RETREG3: variants seen among roughly 807,000 people sequenced by gnomAD.
RETREG3 encodes the protein reticulophagy regulator family member 3, also known as reticulophagy regulator 3.
Under a neutral mutation model 50.2 loss-of-function variants are expected in RETREG3, and 23 were observed. That is an observed-to-expected ratio of 0.46 (90% confidence interval 0.33 to 0.65). The LOEUF (loss-of-function observed/expected upper bound fraction) is 0.65, where lower values mean the gene tolerates loss of function less well. Among genes scored for constraint, RETREG3 ranks in the 30% least tolerant of loss-of-function variants. The pLI is 0.02. For synonymous variants in RETREG3, 240 were observed against 234.4 expected, an observed-to-expected ratio of 1.02 and a Z score of -0.22; for missense variants, 546 against 598.0, an observed-to-expected ratio of 0.91 and a Z score of 0.91.
At chr17:42,594,144 G>A (rs374334174) in intron 1 of RETREG3, among the ~76,000 whole-genome samples, 16 of 152,200 alleles carry the variant, frequency 1.1e-4, no homozygotes, top group East Asian at 9.6e-4. Flanking sequence ...AGCGGAGATC[G>A]CACCACTGCA....
intron 1 of RETREG3, chr17:42,596,587 T>C (rs1299513234): frequency 2.0e-5 from 3 of 152,048 alleles, no homozygotes; most frequent in Non-Finnish European, 2.9e-5. Flanking sequence ...ATCCACATAG[T>C]TGCAAAGCTT....
chr17:42,591,121 T>A (rs1443912952), intron 2 of RETREG3, among the ~76,000 whole-genome samples: 1 of 152,238 alleles, frequency 6.6e-6, no homozygotes, highest in African/African-American at 2.4e-5. Context: ...TTCCTCAGAC[T>A]AATCAAGCCA....
At chr17:42,597,972 TGAA>T (rs1487852781) in intron 1 of RETREG3, among the ~76,000 whole-genome samples, 1 of 145,808 alleles carries the variant, frequency 6.9e-6, no homozygotes, top group Non-Finnish European at 1.5e-5. Context: ...CTTCTTCCTC[TGAA>T]GTTTTTTTTT....
chr17:42,597,579 GTGTATATATATA>G (rs1567925286), intron 1 of RETREG3, among the ~76,000 whole-genome samples: 1 of 6,586 alleles, frequency 1.5e-4, no homozygotes, highest in Non-Finnish European at 2.6e-4. Flanking sequence ...TATATTTTGT[GTGTATATATATA>G]TATATATATA....
At chr17:42,599,433 TAACCTGAG>T (rs2093154362) in intron 1 of RETREG3, among the ~76,000 whole-genome samples, 1 of 152,056 alleles carries the variant, frequency 6.6e-6, no homozygotes, top group Non-Finnish European at 1.5e-5. Flanking sequence ...GGTGGGTGGA[TAACCTGAG>T]ATCGGGAGTT....
chr17:42,607,735 G>A (rs1323947233), intron 1 of RETREG3, among the ~76,000 whole-genome samples: 1 of 150,702 alleles, frequency 6.6e-6, no homozygotes, highest in Non-Finnish European at 1.5e-5. Context: ...GAATCTGGGA[G>A]GCGGAGGTTG....
At chr17:42,600,304 G>A (rs540679408) in intron 1 of RETREG3, among the ~76,000 whole-genome samples, 16 of 152,058 alleles carry the variant, frequency 1.1e-4, no homozygotes, top group African/African-American at 3.6e-4. Flanking sequence ...GATTGCTAGA[G>A]CCAGAAGGTT....
intron 1 of RETREG3, chr17:42,605,249 T>C (rs1051448919): frequency 3.3e-5 from 1 of 30,554 alleles, no homozygotes; most frequent in African/African-American, 1.6e-4. Context: ...GCTACCTACC[T>C]GAATTCTGAT....
intron 2 of RETREG3, among the ~76,000 whole-genome samples, chr17:42,589,311 A>T (rs1306245903): frequency 6.6e-6 from 1 of 152,224 alleles, no homozygotes. Context: ...AATCTACATC[A>T]GTTTTCCTCT....
At chr17:42,600,724 T>C (rs1567926495) in intron 1 of RETREG3, among the ~76,000 whole-genome samples, 1 of 152,232 alleles carries the variant, frequency 6.6e-6, no homozygotes. Flanking sequence ...AAATGATCCA[T>C]TATCCACATA....
chr17:42,584,870 G>C (rs2093117995), intron 6 of RETREG3, among the ~76,000 whole-genome samples: 1 of 149,964 alleles, frequency 6.7e-6, no homozygotes, highest in South Asian at 2.1e-4. Flanking sequence ...TATCTTCACT[G>C]TCTAGCTTTT....
At chr17:42,587,059 C>G (rs1313938053) in intron 3 of RETREG3, 168 bp from the exon 4 acceptor site, 5 of 922,132 alleles carry the variant, frequency 5.4e-6, no homozygotes, top group South Asian at 1.8e-5. Context: ...AGGTTGAAAT[C>G]TGAATTTAGG....
At chr17:42,590,704 C>A (rs537878417) in intron 2 of RETREG3, among the ~76,000 whole-genome samples, 1 of 152,040 alleles carries the variant, frequency 6.6e-6, no homozygotes, top group Non-Finnish European at 1.5e-5. Context: ...CGGTGCCTCA[C>A]GCCTGTAATC....
chr17:42,582,288 T>C lies in RETREG3; in HGVS notation c.944-18A>G, dbSNP rs2093111137. 1 of 1,585,964 alleles carries C rather than the reference T, an allele frequency of 6.3e-7. No individual in the cohort carries two copies. Among genetic ancestry groups the C allele is most frequent in the Non-Finnish European group, 8.5e-7 (1 of 1,170,282 alleles). On this transcript the variant is annotated intron_variant, in intron 8 of 8. Transcript: ENST00000309428. Reference sequence around the variant, plus strand: ...ATCTAGGTCTGGTGGAATACAGAAGTGTCTGAGTCATGGCACCTACCTGGC... The same window carrying C: ...ATCTAGGTCTGGTGGAATACAGAAGCGTCTGAGTCATGGCACCTACCTGGC...
rs1261755163 is a variant in RETREG3 at position 42,609,252 on chromosome 17, C to T, written c.73G>A (p.Val25Met). 3 of 1,607,004 alleles carry T rather than the reference C, an allele frequency of 1.9e-6. No individual in the cohort carries two copies. Among genetic ancestry groups the T allele is most frequent in the African/African-American group, 2.7e-5 (2 of 74,942 alleles). The change falls in exon 1 of 9, where the codon GTG becomes ATG. Residue 25 changes from valine to methionine, a missense_variant. Coordinates refer to ENST00000309428, the MANE Select transcript of RETREG3 (RefSeq NM_178126.4). ...SGSTFRGRRDVSGSWERDQQV... is the reference protein window; with the variant it reads ...SGSTFRGRRDMSGSWERDQQV... ...TGGTCCCGCTCCCAGGAGCCTGACACATCTCGGCGGCCCCTGAAAGTCGAC... is the reference window on the plus strand; with the variant it reads ...TGGTCCCGCTCCCAGGAGCCTGACATATCTCGGCGGCCCCTGAAAGTCGAC...
At position 42,585,176 on chromosome 17, in the gene RETREG3, G is replaced by C. The variant is rs1161023011; in HGVS notation, c.676C>G (p.Leu226Val). Residue 226 changes from leucine to valine, a missense_variant, in exon 6 of 9, where the codon CTA (leucine) becomes GTA (valine). Leu to Val is a conservative substitution (Grantham distance 32, BLOSUM62 1). Coordinates refer to ENST00000309428, the MANE Select transcript of RETREG3 (RefSeq NM_178126.4). Reference sequence around the variant, plus strand: ...ATGTAGCCACGGACACTGAAGTCTAGCCGCTGCAGAGCTGGCTTCAGCCGC... The same window carrying C: ...ATGTAGCCACGGACACTGAAGTCTACCCGCTGCAGAGCTGGCTTCAGCCGC... ...YVRLKPALQR[L>V]DFSVRGYMMS... The C allele has an allele frequency of 1.9e-6, 3 of 1,613,870 alleles. No individual in the cohort carries two copies. The highest frequency in any genetic ancestry group is 2.5e-6 in the Non-Finnish European group (3 of 1,180,038).
intron 1 of RETREG3, among the ~76,000 whole-genome samples, chr17:42,596,873 ATTT>A (rs11420307): frequency 6.9e-6 from 1 of 144,214 alleles, no homozygotes; most frequent in Admixed American, 7.0e-5. Flanking sequence ...GTTTGGAAGA[ATTT>A]TTTTTTTTTT....
At chr17:42,597,976 G>GTTTT (rs869196773) in intron 1 of RETREG3, among the ~76,000 whole-genome samples, 16 of 95,870 alleles carry the variant, frequency 1.7e-4, no homozygotes, top group South Asian at 1.0e-3. Flanking sequence ...TTCCTCTGAA[G>GTTTT]TTTTTTTTTT....
chr17:42,581,331 G>A lies in RETREG3; in HGVS notation c.*482C>T, dbSNP rs1049154226. 3 of 154,374 alleles carry A rather than the reference G, an allele frequency of 1.9e-5. No individual in the cohort carries two copies. The highest frequency in any genetic ancestry group is 4.3e-5 in the Non-Finnish European group (3 of 69,624). 9.6% of individuals were successfully genotyped at this position (154,374 alleles called of 1,614,324 possible). ...TGCAGAAAGCCAAGATCACACCACT[G>A]CACTCCAGCCTGGGCAACAGAGCGA... On this transcript the variant is annotated 3_prime_UTR_variant, in exon 9 of 9. Coordinates refer to ENST00000309428, the MANE Select transcript of RETREG3 (RefSeq NM_178126.4).
Sources: allele counts gnomAD v4.1 joint callset (sites outside exome capture counted in the v4.1 genomes callset), GRCh38; gene constraint gnomAD v4.1.1; transcripts MANE v1.5; gene names NCBI Gene and HGNC (gene_info 2026-07-23, HGNC 2026-07-21).